The following ZNF385D variants were observed in gnomAD, a reference collection of about 807,000 sequenced individuals.
ZNF385D encodes the protein zinc finger protein 659.
ZNF385D carries 15 observed loss-of-function variants against 35.8 expected under a neutral mutation model. That is an observed-to-expected ratio of 0.42 (90% CI 0.28 to 0.64). The LOEUF is 0.64. Among genes scored for constraint, ZNF385D ranks in the 30% least tolerant of loss-of-function variants. ZNF385D has a pLI of 0.23. For missense variants in ZNF385D, 474 were observed against 494.6 expected, an observed-to-expected ratio of 0.96 and a Z score of 0.39; for synonymous variants, 212 against 186.8, an observed-to-expected ratio of 1.13 and a Z score of -1.10.
At chr3:21,876,909 A>T (rs975670846) in intron 3 of ZNF385D, among the ~76,000 whole-genome samples, 1 of 152,090 alleles carries the variant, frequency 6.6e-6, no homozygotes, top group African/African-American at 2.4e-5. Flanking sequence ...CATTGTTTAC[A>T]TTATGTGTTT....
chr3:22,128,104 G>A (rs757730944), intron 3 of ZNF385D, among the ~76,000 whole-genome samples: 1 of 152,034 alleles, frequency 6.6e-6, no homozygotes, highest in Admixed American at 6.6e-5. Flanking sequence ...TGTTTGTCTG[G>A]GAAGCTCTTT....
intron 3 of ZNF385D, among the ~76,000 whole-genome samples, chr3:21,913,573 A>C (rs1164306591): frequency 6.6e-6 from 1 of 152,078 alleles, no homozygotes; most frequent in African/African-American, 2.4e-5. Flanking sequence ...TCATCATTTT[A>C]TTTTGTTTAT....
intron 1 of ZNF385D, among the ~76,000 whole-genome samples, chr3:21,704,319 T>A (rs1176718209): frequency 6.6e-6 from 1 of 152,094 alleles, no homozygotes; most frequent in East Asian, 1.9e-4. Flanking sequence ...GAATTCCAGA[T>A]GAAAAGCCCT....
rs116746426 is a variant in ZNF385D at position 22,333,197 on chromosome 3, A to G, written c.106+39253T>C. On this transcript the variant is annotated intron_variant, in intron 2 of 5. Coordinates refer to the ZNF385D transcript ENST00000494108. ...CTGTAATTCAAATCATTGACCCTTT[A>G]TAAGTTTTTCTCAGGCTGCTTTCAA... is the stretch of plus-strand genomic sequence containing the variant. Among the ~76,000 whole-genome samples the G allele has an allele frequency of 7.0e-3, 1,066 of 152,210 alleles. 12 individuals carry two copies. Among genetic ancestry groups the G allele is most frequent in the African/African-American group, 0.024 (991 of 41,554 alleles).
chr3:21,505,415 C>T (rs915394811), intron 4 of ZNF385D, among the ~76,000 whole-genome samples: 3 of 152,094 alleles, frequency 2.0e-5, no homozygotes, highest in Non-Finnish European at 2.9e-5. Context: ...TTCTAAATAA[C>T]AACTAAGGCC....
At chr3:21,741,716 T>C (rs890674900) in intron 1 of ZNF385D, among the ~76,000 whole-genome samples, 1 of 152,102 alleles carries the variant, frequency 6.6e-6, no homozygotes, top group South Asian at 2.1e-4. Flanking sequence ...TAGATAAAAA[T>C]CAATACCGAA....
Position 21,666,673 on chromosome 3 carries a change from C to G in ZNF385D, c.23-1645G>C, listed in dbSNP as rs1020251834. Among the ~76,000 whole-genome samples the G allele has an allele frequency of 4.6e-5, 7 of 152,200 alleles. No homozygotes were observed. In the East Asian group the frequency reaches 1.3e-3, roughly 29 times the overall value. ...GTGTAACCATTTTTAGAGAGGGCAT[C>G]CATAAAACTTTAGTGATAGACCTGT... On this transcript the variant is annotated intron_variant, in intron 1 of 7. Transcript: ENST00000281523.
At chr3:22,005,591 A>G (rs184725122) in intron 3 of ZNF385D, among the ~76,000 whole-genome samples, 1 of 152,148 alleles carries the variant, frequency 6.6e-6, no homozygotes, top group African/African-American at 2.4e-5. Context: ...AAAATAGCAC[A>G]TGTATCCCAT....
intron 1 of ZNF385D, among the ~76,000 whole-genome samples, chr3:21,689,506 T>C (rs1308272566): frequency 6.6e-6 from 1 of 152,148 alleles, no homozygotes; most frequent in Non-Finnish European, 1.5e-5. Context: ...CAATAGTCAC[T>C]GGAAATTCTG....
chr3:22,302,499 T>C (rs1311634766), intron 2 of ZNF385D, among the ~76,000 whole-genome samples: 2 of 152,004 alleles, frequency 1.3e-5, no homozygotes, highest in African/African-American at 4.8e-5. Flanking sequence ...AGTTTATATT[T>C]ATGCTTGGGT....
At chr3:21,997,442 T>C (rs200875097) in intron 3 of ZNF385D, among the ~76,000 whole-genome samples, 2 of 152,028 alleles carry the variant, frequency 1.3e-5, no homozygotes, top group South Asian at 2.1e-4. Flanking sequence ...GGCACATGTA[T>C]ACATATGTAA....
At chr3:21,846,847 G>A (rs1448739562) in intron 3 of ZNF385D, among the ~76,000 whole-genome samples, 2 of 152,038 alleles carry the variant, frequency 1.3e-5, no homozygotes, top group Non-Finnish European at 2.9e-5. Context: ...CAGACACTTG[G>A]AACCTTGCTG....
intron 3 of ZNF385D, among the ~76,000 whole-genome samples, chr3:22,165,885 A>G (rs779198906): frequency 4.6e-5 from 7 of 152,206 alleles, no homozygotes; most frequent in Non-Finnish European, 8.8e-5. Flanking sequence ...TACTTCAAGT[A>G]TCATCACTTT....
intron 3 of ZNF385D, among the ~76,000 whole-genome samples, chr3:21,988,777 G>A (rs936562816): frequency 1.3e-4 from 20 of 151,838 alleles, no homozygotes; most frequent in Middle Eastern, 3.2e-3. Flanking sequence ...CCTCGCTGCC[G>A]CTTTGCAGTT....
chr3:21,795,773 T>G (rs932831239), intron 3 of ZNF385D, among the ~76,000 whole-genome samples: 6 of 152,198 alleles, frequency 3.9e-5, no homozygotes, highest in African/African-American at 1.4e-4. Flanking sequence ...TTTCTCCCAC[T>G]AATGCCACTT....
chr3:21,751,386 GA>G, upstream of ZNF385D: 1 of 1,029,960 alleles, frequency 9.7e-7, no homozygotes, highest in Non-Finnish European at 1.2e-6. Context: ...CTTAAAGCGA[GA>G]AGAGTGTCGG....
intron 2 of ZNF385D, among the ~76,000 whole-genome samples, chr3:21,641,568 T>G (rs2065606237): frequency 6.6e-6 from 1 of 151,198 alleles, no homozygotes; most frequent in African/African-American, 2.4e-5. Flanking sequence ...TTAACACATA[T>G]CACCAACTCT....
intron 3 of ZNF385D, among the ~76,000 whole-genome samples, chr3:22,056,349 G>C (rs959340368): frequency 6.0e-5 from 9 of 150,498 alleles, no homozygotes; most frequent in Admixed American, 2.7e-4. Flanking sequence ...AGTAAGAATG[G>C]GATAAAATAT....
At chr3:21,527,440 C>A (rs1251912063) in intron 3 of ZNF385D, among the ~76,000 whole-genome samples, 1 of 152,070 alleles carries the variant, frequency 6.6e-6, no homozygotes, top group African/African-American at 2.4e-5. Context: ...TTCATTTCAC[C>A]TCCAGTATGA....
Sources: allele counts gnomAD v4.1 joint callset (sites outside exome capture counted in the v4.1 genomes callset), GRCh38; gene constraint gnomAD v4.1.1; transcripts MANE v1.5; gene names NCBI Gene and HGNC (gene_info 2026-07-23, HGNC 2026-07-21).